ATXN1: variants seen among roughly 807,000 people sequenced by gnomAD.
ATXN1 encodes ataxin 1, also known as ataxin-1.
Under a neutral mutation model 56.4 loss-of-function variants are expected in ATXN1, and 8 were observed. The ratio of observed to expected loss-of-function variants is 0.14; its 90% CI spans 0.08 to 0.26. ATXN1 has a LOEUF of 0.26. Ranked by LOEUF, ATXN1 falls within the 10% of genes least tolerant of loss-of-function variation. The pLI, the probability that ATXN1 is intolerant of heterozygous loss-of-function variation, is 1.00. For synonymous variants in ATXN1, 514 were observed against 494.6 expected (o/e 1.04, Z -0.52); for missense variants, 987 against 1,106.5 (o/e 0.89, Z 1.53).
chr6:16,368,427 G>C (rs1205227716), intron 6 of ATXN1, among the ~76,000 whole-genome samples: 2 of 133,236 alleles, frequency 1.5e-5, no homozygotes, highest in African/African-American at 5.4e-5. Context: ...GGTCATAATA[G>C]ACTTCATTTT....
At chr6:16,510,536 G>C (rs1447453739) in intron 5 of ATXN1, among the ~76,000 whole-genome samples, 3 of 152,094 alleles carry the variant, frequency 2.0e-5, no homozygotes, top group Admixed American at 1.3e-4. Flanking sequence ...AGGAGTTCAA[G>C]ACCAACCAGA....
At chr6:16,394,230 C>T (rs1758411062) in intron 6 of ATXN1, among the ~76,000 whole-genome samples, 1 of 152,110 alleles carries the variant, frequency 6.6e-6, no homozygotes, top group African/African-American at 2.4e-5. Flanking sequence ...GAAGGAAGTA[C>T]AGGACATCTT....
chr6:16,577,068 G>A (rs1050888063), intron 4 of ATXN1, among the ~76,000 whole-genome samples: 1 of 152,132 alleles, frequency 6.6e-6, no homozygotes, highest in South Asian at 2.1e-4. Context: ...TCTTCATCAT[G>A]TGGCATGCTA....
intron 3 of ATXN1, among the ~76,000 whole-genome samples, chr6:16,592,779 C>G (rs762707270): frequency 1.5e-4 from 22 of 147,966 alleles, no homozygotes; most frequent in Admixed American, 2.1e-4. Flanking sequence ...AAAGACTGAA[C>G]AGCAGCAAGA....
intron 2 of ATXN1, among the ~76,000 whole-genome samples, chr6:16,735,920 C>T (rs1329527926): frequency 6.6e-6 from 1 of 152,112 alleles, no homozygotes; most frequent in Non-Finnish European, 1.5e-5. Flanking sequence ...CAACTTATTC[C>T]GCATTATTTT....
At chr6:16,455,972 G>GA (rs903753401) in intron 6 of ATXN1, among the ~76,000 whole-genome samples, 1 of 152,042 alleles carries the variant, frequency 6.6e-6, no homozygotes, top group Non-Finnish European at 1.5e-5. Context: ...AGGGAGGATT[G>GA]AAAAAAATGG....
chr6:16,475,580 G>A (rs1176173108), intron 6 of ATXN1, among the ~76,000 whole-genome samples: 2 of 152,254 alleles, frequency 1.3e-5, no homozygotes, highest in East Asian at 3.9e-4. Context: ...AGAGAAGTTG[G>A]GCAATTTCCC....
At chr6:16,558,582 A>G (rs919017672) in intron 4 of ATXN1, among the ~76,000 whole-genome samples, 1 of 152,044 alleles carries the variant, frequency 6.6e-6, no homozygotes, top group Non-Finnish European at 1.5e-5. Context: ...TGTTGTCCAG[A>G]CTGGTCTCTA....
chr6:16,574,201 A>ATTAT lies in ATXN1; in HGVS notation c.-361+11575_-361+11578dup, dbSNP rs564019104. Among the ~76,000 whole-genome samples, 330 of 150,436 alleles carry ATTAT rather than the reference A, an allele frequency of 2.2e-3. 1 individual carries two copies. Among genetic ancestry groups the ATTAT allele is most frequent in the South Asian group, 7.6e-3 (36 of 4,726 alleles). On this transcript the variant is annotated intron_variant, in intron 4 of 7. Coordinates refer to ENST00000436367, the MANE Select transcript of ATXN1 (RefSeq NM_001128164.2). ...ACCACCATGCCTAGCTAATTTTTGT[A>ATTAT]TTATTTATTTATTTATTTATTTGAG... is the stretch of plus-strand genomic sequence containing the variant.
At chr6:16,615,759 T>C (rs1458348720) in intron 3 of ATXN1, 1 of 151,790 alleles carries the variant, frequency 6.6e-6, no homozygotes, top group Admixed American at 6.6e-5. Context: ...TCAGGCTGCA[T>C]GCGGTGGCTC....
rs2113679985 is a variant in ATXN1, at chr6:16,506,886, C to A, written c.-299+15741G>T. Among the ~76,000 whole-genome samples the A allele has an allele frequency of 6.6e-6, 1 of 152,314 alleles. No homozygotes were observed. The highest frequency in any genetic ancestry group is 2.4e-5 in the African/African-American group (1 of 41,576). ...CATTCAACGCCATGTAATGAGTTGA[C>A]ACCACTGAAATAAACCAAAGGATGT... On this transcript the variant is annotated intron_variant, in intron 5 of 7. Coordinates refer to ENST00000436367, the MANE Select transcript of ATXN1 (RefSeq NM_001128164.2). This position sits in a 1 kb window ranked among gnomAD's most constrained non-coding sequence, Gnocchi z 4.1.
intron 6 of ATXN1, among the ~76,000 whole-genome samples, chr6:16,405,022 A>C (rs1427292416): frequency 6.6e-6 from 1 of 152,254 alleles, no homozygotes; most frequent in Non-Finnish European, 1.5e-5. Flanking sequence ...TCTCAGAAGC[A>C]AGACTTTCTC....
chr6:16,733,765 T>C (rs1760047532), intron 2 of ATXN1, among the ~76,000 whole-genome samples: 1 of 152,240 alleles, frequency 6.6e-6, no homozygotes, highest in African/African-American at 2.4e-5. Context: ...GAGAATCACT[T>C]GAATCCGGGA....
At chr6:16,509,130 C>T (rs1761033221) in intron 5 of ATXN1, among the ~76,000 whole-genome samples, 1 of 152,046 alleles carries the variant, frequency 6.6e-6, no homozygotes. Flanking sequence ...AATTTATTGT[C>T]TAATGGGTAC....
intron 7 of ATXN1, among the ~76,000 whole-genome samples, chr6:16,323,617 G>A (rs545470494): frequency 1.3e-5 from 2 of 151,902 alleles, no homozygotes; most frequent in African/African-American, 4.8e-5. Flanking sequence ...CAGCTGAAGT[G>A]GCTGCCTTCA....
rs370245752 is a variant in ATXN1 at position 16,700,721 on chromosome 6, T to C, written c.-614-42820A>G. ...GGTGAAAACTGCTCACCGATGGGAA[T>C]TGAGGAGCTAGGTAGAGGATGGAAA... On this transcript the variant is annotated intron_variant, in intron 2 of 7. Transcript: ENST00000436367. 1.1e-3 allele frequency among the ~76,000 whole-genome samples: 170 copies of C among 152,016 alleles called. 1 individual carries two copies. The highest frequency in any genetic ancestry group is 3.4e-3 in the African/African-American group (140 of 41,462).
At chr6:16,597,098 G>A (rs993343961) in intron 3 of ATXN1, among the ~76,000 whole-genome samples, 3 of 152,224 alleles carry the variant, frequency 2.0e-5, no homozygotes, top group African/African-American at 4.8e-5. Context: ...TGGGTCACCA[G>A]CCTGCTCTGG....
chr6:16,328,677 G>A lies in ATXN1; in HGVS notation c.-160-207C>T, dbSNP rs190405396. Among the ~76,000 whole-genome samples the A allele has an allele frequency of 1.2e-3, 188 of 152,280 alleles. 1 individual carries two copies. The highest frequency in any genetic ancestry group is 3.9e-3 in the African/African-American group (163 of 41,548). Reference sequence around the variant, plus strand: ...ACACTAGCCAACACTTTGGGAGGCCGAGGCAGGCAGATCACGAGGTCAGGA... The same window carrying A: ...ACACTAGCCAACACTTTGGGAGGCCAAGGCAGGCAGATCACGAGGTCAGGA... On this transcript the variant is annotated intron_variant, in intron 6 of 7. Coordinates refer to ENST00000436367, the MANE Select transcript of ATXN1 (RefSeq NM_001128164.2). This position sits in a 1 kb window ranked among gnomAD's most constrained non-coding sequence, Gnocchi z 6.2.
intron 5 of ATXN1, among the ~76,000 whole-genome samples, chr6:16,497,236 G>T (rs1348139593): frequency 1.3e-5 from 2 of 151,708 alleles, no homozygotes; most frequent in Non-Finnish European, 2.9e-5. Flanking sequence ...GACAGAAAAT[G>T]CTATTTTTAA....
Sources: allele counts gnomAD v4.1 joint callset (sites outside exome capture counted in the v4.1 genomes callset), GRCh38; gene constraint gnomAD v4.1.1; non-coding constraint Gnocchi (gnomAD v3.1); transcripts MANE v1.5; gene names NCBI Gene and HGNC (gene_info 2026-07-23, HGNC 2026-07-21).